The following ZNF345 variants were observed in gnomAD, a reference collection of about 807,000 sequenced individuals.
ZNF345 encodes zinc finger protein 345, also known as zinc finger protein HZF10.
For missense variants in ZNF345, 527 were observed against 589.9 expected (o/e 0.89, Z 1.10); for synonymous variants, 166 against 187.9 (o/e 0.88, Z 0.95).
chr19:36,862,061 A>G (rs2072559465), intron 2 of ZNF345, among the ~76,000 whole-genome samples: 2 of 148,344 alleles, frequency 1.3e-5, no homozygotes, highest in African/African-American at 2.5e-5. Flanking sequence ...GGGTTTCTCC[A>G]TGTTGGTCAG....
At chr19:36,865,785 C>T (rs1035684217) in intron 2 of ZNF345, among the ~76,000 whole-genome samples, 1 of 152,134 alleles carries the variant, frequency 6.6e-6, no homozygotes, top group African/African-American at 2.4e-5. Flanking sequence ...ACATATTTGA[C>T]GTGTCCCTTC....
downstream of ZNF345, among the ~76,000 whole-genome samples, chr19:36,883,463 C>T (rs566771820): frequency 1.3e-5 from 2 of 152,296 alleles, no homozygotes; most frequent in South Asian, 4.1e-4. Context: ...TCCACACTCA[C>T]TACGTTCAGT....
chr19:36,877,423 G>T lies in ZNF345; in HGVS notation c.593G>T (p.Gly198Val), dbSNP rs1386481000. 1.2e-6 allele frequency: 2 copies of T among 1,614,140 alleles called. No homozygotes were observed. Among genetic ancestry groups the T allele is most frequent in the Non-Finnish European group, 1.7e-6 (2 of 1,180,008 alleles). Residue 198 changes from glycine to valine, a missense_variant, in exon 3 of 3, where the codon GGT (glycine) becomes GTT (valine). Physicochemically the swap from Gly to Val is moderately radical, Grantham distance 109. Coordinates refer to ENST00000420450, the MANE Select transcript of ZNF345 (RefSeq NM_001242472.2). ...ATTCGGCATCACAGAATTCACACAG[G>T]TGAGAAACCTTATGAATGTATAGAT... ...ALIRHHRIHTGEKPYECIDCG... is the reference protein window; with the variant it reads ...ALIRHHRIHTVEKPYECIDCG...
chr19:36,891,499 G>A (rs1298315140), intron 3 of ZNF345: 2 of 1,553,124 alleles, frequency 1.3e-6, no homozygotes, highest in Non-Finnish European at 1.7e-6. Flanking sequence ...CATTCAACCA[G>A]TATGAATTCC....
intron 1 of ZNF345, 98 bp from the exon 2 acceptor site, chr19:36,851,732 T>TG (rs1261737920): frequency 1.3e-5 from 2 of 152,278 alleles, no homozygotes; most frequent in Non-Finnish European, 2.9e-5. Flanking sequence ...CTGTAGGTGA[T>TG]GGGCAGTAGG....
intron 2 of ZNF345, among the ~76,000 whole-genome samples, chr19:36,853,991 C>T (rs535477): frequency 0.067 from 10,217 of 152,070 alleles, 936 homozygotes; most frequent in African/African-American, 0.21. Context: ...TTTGGAAACT[C>T]TTCTACACTT....
intron 2 of ZNF345, among the ~76,000 whole-genome samples, chr19:36,861,859 CTT>C (rs768109029): frequency 3.0e-5 from 4 of 131,726 alleles, no homozygotes; most frequent in Non-Finnish European, 4.9e-5. Flanking sequence ...CATGCCCAGC[CTT>C]TTTTTTTTTT....
rs768311228 is a variant in ZNF345 at position 36,876,908 on chromosome 19, A to G, written c.78A>G (p.Arg26=). The part of the protein sequence containing the change: ...GDWECKNQFE[R]KQGSQEGHFS... ...GGGAATGTAAAAACCAGTTTGAGAG[A>G]AAACAGGGATCTCAGGAAGGACATT... The change falls in exon 3 of 3, where the codon AGA becomes AGG. Residue 26 remains arginine, a synonymous_variant. Transcript: ENST00000420450. 1 of 1,614,124 alleles carries G rather than the reference A, an allele frequency of 6.2e-7. No homozygotes were observed.
chr19:36,877,511 GA>G lies in ZNF345; in HGVS notation c.684del (p.Lys228AsnfsTer163). 1.2e-6 allele frequency: 2 copies of G among 1,614,204 alleles called. No individual in the cohort carries two copies. Among genetic ancestry groups the G allele is most frequent in the Non-Finnish European group, 1.7e-6 (2 of 1,180,024 alleles). On this transcript the variant is annotated frameshift_variant, in exon 3 of 3. Transcript: ENST00000420450. LOFTEE classifies it low-confidence loss of function (END_TRUNC). Reference sequence around the variant, plus strand: ...AACATCGGCGGATTCATACTGGTGAGAAACCTTATGAATGCAAAGCATGTGG... The same window carrying G: ...AACATCGGCGGATTCATACTGGTGAGAACCTTATGAATGCAAAGCATGTGG... ...TQHRRIHTGE[K>X]PYECKACGMA...
chr19:36,872,292 G>A (rs1235120455), intron 2 of ZNF345, among the ~76,000 whole-genome samples: 1 of 152,176 alleles, frequency 6.6e-6, no homozygotes, highest in African/African-American at 2.4e-5. Context: ...GATGCCAAGT[G>A]CTGTATGGAT....
Position 36,877,542 on chromosome 19 carries a change from G to T in ZNF345, c.712G>T (p.Ala238Ser), listed in dbSNP as rs1190062385. 4.3e-6 allele frequency: 7 copies of T among 1,614,136 alleles called. No individual in the cohort carries two copies. Among genetic ancestry groups the T allele is most frequent in the Non-Finnish European group, 5.9e-6 (7 of 1,180,022 alleles). Residue 238 changes from alanine to serine, a missense_variant, in exon 3 of 3, where the codon GCC becomes TCC. Coordinates refer to ENST00000420450, the MANE Select transcript of ZNF345 (RefSeq NM_001242472.2). ...KPYECKACGM[A>S]FSSGSALTRH... ...TTATGAATGCAAAGCATGTGGAATG[G>T]CCTTTAGCAGTGGTTCGGCTCTTAC...
At chr19:36,871,185 G>A (rs1321469338) in intron 2 of ZNF345, among the ~76,000 whole-genome samples, 1 of 152,168 alleles carries the variant, frequency 6.6e-6, no homozygotes. Flanking sequence ...AAAGGGAAAG[G>A]CAGTCCTCTG....
chr19:36,877,040 T>C lies in ZNF345; in HGVS notation c.210T>C (p.Asp70=), dbSNP rs140363881. The C allele has an allele frequency of 1.2e-4, 199 of 1,613,490 alleles. 1 individual carries two copies. In the African/African-American group the frequency reaches 2.5e-3, roughly 20 times the overall value. ...KLLECKECGK[D]FSFVSVLVRH... ...TTGAATGTAAGGAATGTGGGAAGGA[T>C]TTTAGTTTTGTATCAGTCCTTGTTC... Residue 70 remains aspartate (D), a synonymous_variant, in exon 3 of 3, where the codon GAT becomes GAC. Transcript: ENST00000420450.
intron 2 of ZNF345, among the ~76,000 whole-genome samples, chr19:36,860,108 C>G (rs1022354303): frequency 7.9e-5 from 12 of 152,100 alleles, no homozygotes; most frequent in Non-Finnish European, 1.6e-4. Context: ...CAGGCGCACG[C>G]CACCACACCC....
chr19:36,887,250 G>A (rs1184085501), intron 3 of ZNF345, among the ~76,000 whole-genome samples: 1 of 152,136 alleles, frequency 6.6e-6, no homozygotes, highest in African/African-American at 2.4e-5. Context: ...AGTAACCTAA[G>A]GGGAAATGAT....
intron 3 of ZNF345, chr19:36,890,673 G>A (rs1330467925): frequency 7.5e-6 from 1 of 133,348 alleles, no homozygotes; most frequent in Non-Finnish European, 1.6e-5. Flanking sequence ...AAACCCCGTC[G>A]CTACTAAAAA....
chr19:36,889,559 G>T (rs1317050335), intron 3 of ZNF345: 1 of 151,990 alleles, frequency 6.6e-6, no homozygotes, highest in East Asian at 1.9e-4. Context: ...ACTTCCTCTA[G>T]GTTTTCTAAT....
downstream of ZNF345, among the ~76,000 whole-genome samples, chr19:36,881,183 A>G (rs2072965819): frequency 6.6e-6 from 1 of 152,196 alleles, no homozygotes. Flanking sequence ...TGAAAATTCA[A>G]TATCTGAAAT....
At chr19:36,882,309 C>T (rs1197174259), downstream of ZNF345, among the ~76,000 whole-genome samples, 3 of 151,948 alleles carry the variant, frequency 2.0e-5, no homozygotes, top group African/African-American at 7.2e-5. Flanking sequence ...CGCTCTGTCA[C>T]CAGGCTGGAG....
Sources: gnomAD v4.1 joint callset for allele counts (sites outside exome capture counted in the v4.1 genomes callset) on GRCh38, gnomAD v4.1.1 for gene constraint, MANE v1.5 for transcripts, NCBI Gene and HGNC (gene_info 2026-07-23, HGNC 2026-07-21) for gene names.